The following RNF146 variants were observed in gnomAD, a reference collection of about 807,000 sequenced individuals.
RNF146 encodes the protein ring finger protein 146.
Under a neutral mutation model 29.7 loss-of-function variants are expected in RNF146, and 11 were observed. The ratio of observed to expected loss-of-function variants is 0.37; its 90% CI spans 0.23 to 0.61. RNF146 has a LOEUF of 0.61. Among genes scored for constraint, RNF146 ranks in the 20% least tolerant of loss-of-function variants. RNF146 has a pLI of 0.66. For synonymous variants in RNF146, 150 were observed against 159.7 expected (o/e 0.94, Z 0.46); for missense variants, 342 against 438.9 (o/e 0.78, Z 1.97).
At chr6:127,268,887 G>A (rs1437989522) in intron 1 of RNF146, among the ~76,000 whole-genome samples, 1 of 152,040 alleles carries the variant, frequency 6.6e-6, no homozygotes, top group Non-Finnish European at 1.5e-5. Context: ...GATATTTTGA[G>A]TCAAAAGAAG....
intron 2 of RNF146, chr6:127,285,448 C>A: frequency 4.6e-6 from 2 of 431,430 alleles, no homozygotes; most frequent in Non-Finnish European, 6.2e-6. Flanking sequence ...AGCTTTCAAT[C>A]TCTGACATCT....
rs1231400005 is a variant in RNF146 at position 127,286,224 on chromosome 6, T to C, written c.3-392T>C. 5.7e-6 allele frequency: 7 copies of C among 1,218,252 alleles called. No individual in the cohort carries two copies. Among genetic ancestry groups the C allele is most frequent in the South Asian group, 4.1e-5 (1 of 24,402 alleles). 75.5% of individuals were successfully genotyped at this position (1,218,252 alleles called of 1,614,324 possible). A position where few individuals can be genotyped will look rare whatever the true frequency, so the allele number is the denominator to read the frequency against. On this transcript the variant is annotated intron_variant, in intron 2 of 2. Transcript: ENST00000368314. This position sits in a 1 kb window ranked among gnomAD's most constrained non-coding sequence, Gnocchi z 4.6. Reference sequence around the variant, plus strand: ...GTTTAACTGAGTGCCTAAGAGCACATAATTAATAAAGGACTCTAAAACTCA... The same window carrying C: ...GTTTAACTGAGTGCCTAAGAGCACACAATTAATAAAGGACTCTAAAACTCA...
In RNF146 at chr6:127,274,590, C is replaced by T. The variant is rs189359357; in HGVS notation, c.-108-5641C>T. On this transcript the variant is annotated intron_variant, in intron 1 of 2. Transcript: ENST00000368314. ...TATTAAAGTACAAATAGTGATTGAA[C>T]GAAATTTTTAGAAGAAATGTTTTAA... 5.9e-5 allele frequency among the ~76,000 whole-genome samples: 9 copies of T among 152,206 alleles called. No individual in the cohort carries two copies. In the South Asian group the frequency reaches 1.4e-3, roughly 25 times the overall value.
At chr6:127,269,980 A>G (rs1777234305) in intron 1 of RNF146, among the ~76,000 whole-genome samples, 1 of 152,048 alleles carries the variant, frequency 6.6e-6, no homozygotes, top group Admixed American at 6.6e-5. Context: ...TTTATAATTG[A>G]TATTTGTCTT....
chr6:127,270,459 A>G (rs552075188), intron 1 of RNF146, among the ~76,000 whole-genome samples: 1 of 152,326 alleles, frequency 6.6e-6, no homozygotes, highest in South Asian at 2.1e-4. Context: ...TCTGGCCTGT[A>G]GTTGAAATCA....
chr6:127,267,364 C>G (rs1776785516), intron 1 of RNF146, among the ~76,000 whole-genome samples: 1 of 152,234 alleles, frequency 6.6e-6, no homozygotes, highest in East Asian at 1.9e-4. Flanking sequence ...GGGTGGCAGG[C>G]GGGTCCCTCT....
rs1169904224 is a variant in RNF146, at chr6:127,285,721, A to G, written c.3-895A>G. ...CTGCCTGGAATCTGCTCCACTGCCC[A>G]GCCCCTCTGAATGAACACTAAACTT... On this transcript the variant is annotated intron_variant, in intron 2 of 2. Coordinates refer to ENST00000368314, the MANE Select transcript of RNF146 (RefSeq NM_001242850.2). Among the ~76,000 whole-genome samples, 13 of 151,812 alleles carry G rather than the reference A, an allele frequency of 8.6e-5. 1 individual carries two copies.
intron 1 of RNF146, among the ~76,000 whole-genome samples, chr6:127,277,971 G>C (rs922954291): frequency 6.6e-6 from 1 of 152,044 alleles, no homozygotes; most frequent in Non-Finnish European, 1.5e-5. Context: ...GCCACATAAT[G>C]GCATTAAGAA....
chr6:127,275,698 A>C (rs1778112654), intron 1 of RNF146, among the ~76,000 whole-genome samples: 1 of 152,138 alleles, frequency 6.6e-6, no homozygotes, highest in African/African-American at 2.4e-5. Flanking sequence ...AGGTAGTCAG[A>C]GAAAATGGTA....
At chr6:127,275,786 G>A (rs1171475995) in intron 1 of RNF146, among the ~76,000 whole-genome samples, 1 of 152,014 alleles carries the variant, frequency 6.6e-6, no homozygotes. Context: ...ATCGTACCAG[G>A]CAGGAGGAAA....
At chr6:127,277,966 A>G (rs1344117459) in intron 1 of RNF146, among the ~76,000 whole-genome samples, 2 of 152,130 alleles carry the variant, frequency 1.3e-5, no homozygotes, top group Admixed American at 6.5e-5. Context: ...TAGGGGCCAC[A>G]TAATGGCATT....
At chr6:127,283,508 C>A (rs1408015692) in intron 2 of RNF146, among the ~76,000 whole-genome samples, 1 of 151,702 alleles carries the variant, frequency 6.6e-6, no homozygotes, top group Non-Finnish European at 1.5e-5. Context: ...ATTTTAAGAT[C>A]ATTGGAACTG....
At chr6:127,274,268 T>G (rs1777890011) in intron 1 of RNF146, among the ~76,000 whole-genome samples, 2 of 152,168 alleles carry the variant, frequency 1.3e-5, no homozygotes, top group South Asian at 4.1e-4. Context: ...GAAATAGTTT[T>G]ATAGGAAAGA....
chr6:127,277,510 T>C (rs1278250945), intron 1 of RNF146, among the ~76,000 whole-genome samples: 1 of 152,014 alleles, frequency 6.6e-6, no homozygotes, highest in Non-Finnish European at 1.5e-5. Context: ...ATGAGTTTAT[T>C]AAGTATTAGC....
At chr6:127,273,737 T>C (rs1443848523) in intron 1 of RNF146, among the ~76,000 whole-genome samples, 1 of 151,968 alleles carries the variant, frequency 6.6e-6, no homozygotes, top group Non-Finnish European at 1.5e-5. Context: ...AAAGGAATCC[T>C]AGAAATGACT....
chr6:127,288,500 T>TA lies in RNF146; in HGVS notation c.*808dup, dbSNP rs926384571. Reference sequence around the variant, plus strand: ...GCTCAGAAAAGTTTGATTTTTTTCTTAGAGATTATTTAAACAGAATCTATA... The same window carrying TA: ...GCTCAGAAAAGTTTGATTTTTTTCTTAAGAGATTATTTAAACAGAATCTATA... On this transcript the variant is annotated 3_prime_UTR_variant, in exon 3 of 3. Transcript: ENST00000368314. The TA allele has an allele frequency of 7.4e-4, 123 of 166,926 alleles. 2 individuals are homozygous for TA. Among genetic ancestry groups the TA allele is most frequent in the African/African-American group, 2.9e-3 (120 of 41,422 alleles). The allele number at this position is 166,926 out of a possible 1,614,324, so 10.3% of individuals were successfully genotyped here. A position where few individuals can be genotyped will look rare whatever the true frequency, so the allele number is the denominator to read the frequency against.
chr6:127,276,312 A>G (rs1236293516), intron 1 of RNF146, among the ~76,000 whole-genome samples: 3 of 152,084 alleles, frequency 2.0e-5, no homozygotes, highest in East Asian at 1.9e-4. Context: ...TAGAGAGTAC[A>G]GGATAGATTC....
At chr6:127,269,779 ACTC>A in intron 1 of RNF146, among the ~76,000 whole-genome samples, 1 of 152,060 alleles carries the variant, frequency 6.6e-6, no homozygotes, top group Non-Finnish European at 1.5e-5. Context: ...TGATTTATCT[ACTC>A]CTTTTATGTA....
intron 1 of RNF146, among the ~76,000 whole-genome samples, chr6:127,273,617 C>T (rs937714547): frequency 6.6e-6 from 1 of 151,986 alleles, no homozygotes; most frequent in African/African-American, 2.4e-5. Context: ...TCAACTTGTT[C>T]ATTTCCAACC....
Sources: gnomAD v4.1 joint callset for allele counts (sites outside exome capture counted in the v4.1 genomes callset) on GRCh38, gnomAD v4.1.1 for gene constraint, Gnocchi (gnomAD v3.1) non-coding constraint, MANE v1.5 for transcripts, NCBI Gene and HGNC (gene_info 2026-07-23, HGNC 2026-07-21) for gene names.